The following RELN variants were observed in gnomAD, a reference collection of about 807,000 sequenced individuals.
The protein encoded by RELN is reelin.
In RELN, 108 loss-of-function variants were observed where a neutral mutation model predicts 427.6. The observed-to-expected ratio is 0.25, with a 90% CI of 0.22 to 0.30. RELN has a LOEUF of 0.30. RELN is among the 10% of genes least tolerant of loss of function. The pLI, the probability that RELN is intolerant of heterozygous loss-of-function variation, is 1.00. For synonymous variants in RELN, 1,524 were observed against 1,513.4 expected (o/e 1.01, Z -0.16); for missense variants, 3,715 against 4,302.8 (o/e 0.86, Z 3.82).
chr7:103,561,264 A>G (rs1216653415), intron 36 of RELN, among the ~76,000 whole-genome samples: 1 of 152,232 alleles, frequency 6.6e-6, no homozygotes, highest in Non-Finnish European at 1.5e-5. Context: ...CATTCTAAAA[A>G]CTATCTACAT....
At chr7:103,711,819 G>T (rs992348414) in intron 8 of RELN, among the ~76,000 whole-genome samples, 1 of 151,974 alleles carries the variant, frequency 6.6e-6, no homozygotes, top group Non-Finnish European at 1.5e-5. Context: ...ACCAAACCTG[G>T]CTAATTTTTT....
rs763130108 is a variant in RELN, at chr7:103,611,625, G to A, written c.2881C>T (p.His961Tyr). The stretch of plus-strand genomic sequence containing the variant: ...ACTAGACTTACTTCTTGGACGAGGT[G>A]CCAGGTAAGGCCGTGGTTGGTTGAG... ...EYSTNHGLTW[H>Y]LVQEECLPSM... Residue 961 changes from histidine to tyrosine, a missense_variant, in exon 21 of 65, where the codon CAC becomes TAC. By Grantham distance (83) the His-to-Tyr change is moderately conservative. Coordinates refer to ENST00000428762, the MANE Select transcript of RELN (RefSeq NM_005045.4). 2 of 1,613,434 alleles carry A rather than the reference G, an allele frequency of 1.2e-6. No homozygotes were observed. The highest frequency in any genetic ancestry group is 8.5e-7 in the Non-Finnish European group (1 of 1,179,784).
In RELN at chr7:103,650,332, G is replaced by A; in HGVS notation, c.1944C>T (p.Thr648=). Residue 648 remains threonine (T), a synonymous_variant, in exon 16 of 65, where the codon ACC becomes ACT. Transcript: ENST00000428762. ...GTCCTGTTTGTCTCCAGCGAATCCT[G>A]GTGTTCCGGGTTAGTGCTGCGTTAG... ...PLPNAALTRN[T]RIRWRQTGPI... 3.1e-6 allele frequency: 5 copies of A among 1,613,050 alleles called. No homozygotes were observed. The highest frequency in any genetic ancestry group is 4.2e-6 in the Non-Finnish European group (5 of 1,179,364).
intron 10 of RELN, among the ~76,000 whole-genome samples, chr7:103,696,414 A>C (rs1316028831): frequency 6.6e-6 from 1 of 152,066 alleles, no homozygotes; most frequent in Non-Finnish European, 1.5e-5. Flanking sequence ...CCAAACATCT[A>C]ACCTCCCACC....
At chr7:103,691,098 T>C (rs1279943602) in intron 10 of RELN, among the ~76,000 whole-genome samples, 3 of 152,138 alleles carry the variant, frequency 2.0e-5, no homozygotes, top group Non-Finnish European at 2.9e-5. Flanking sequence ...GTTATACATC[T>C]ATTTCATATT....
intron 1 of RELN, among the ~76,000 whole-genome samples, chr7:103,969,161 C>T (rs1374168985): frequency 2.0e-5 from 3 of 148,570 alleles, no homozygotes; most frequent in South Asian, 2.1e-4. Context: ...AAAAAAAATG[C>T]ATTTAAGATT....
chr7:103,498,934 G>A (rs1431771262), intron 53 of RELN, among the ~76,000 whole-genome samples: 1 of 152,244 alleles, frequency 6.6e-6, no homozygotes, highest in East Asian at 1.9e-4. Flanking sequence ...GAATTTGAAA[G>A]CAATAAGATA....
chr7:103,803,943 T>C (rs928131350), intron 3 of RELN, among the ~76,000 whole-genome samples: 2 of 152,020 alleles, frequency 1.3e-5, no homozygotes, highest in Non-Finnish European at 2.9e-5. Flanking sequence ...TAAAAATATC[T>C]CAAGGCCATA....
intron 1 of RELN, among the ~76,000 whole-genome samples, chr7:103,975,559 T>C (rs924711664): frequency 1.3e-5 from 2 of 150,952 alleles, no homozygotes; most frequent in South Asian, 4.2e-4. Context: ...ATTTATTTAT[T>C]TATTTTGAGA....
intron 2 of RELN, among the ~76,000 whole-genome samples, chr7:103,914,660 A>G (rs891296767): frequency 6.6e-6 from 1 of 152,052 alleles, no homozygotes; most frequent in Non-Finnish European, 1.5e-5. Flanking sequence ...TATCATCATC[A>G]TGTCATATAT....
At chr7:103,734,276 A>G (rs942424892) in intron 6 of RELN, among the ~76,000 whole-genome samples, 1 of 152,170 alleles carries the variant, frequency 6.6e-6, no homozygotes, top group Non-Finnish European at 1.5e-5. Context: ...CTGTTGTTCA[A>G]TTTGAAAAGG....
chr7:103,785,670 T>G (rs1048025835), intron 3 of RELN, among the ~76,000 whole-genome samples: 26 of 152,124 alleles, frequency 1.7e-4, no homozygotes, highest in African/African-American at 4.6e-4. Context: ...CACAGCTCAA[T>G]GATTTATGTT....
chr7:103,619,174 T>C (rs1832156750), intron 20 of RELN, among the ~76,000 whole-genome samples: 1 of 151,972 alleles, frequency 6.6e-6, no homozygotes, highest in South Asian at 2.1e-4. Flanking sequence ...CACATCAAAT[T>C]GGGTGCTTAG....
At chr7:103,925,928 G>A (rs551699157) in intron 1 of RELN, among the ~76,000 whole-genome samples, 1 of 151,996 alleles carries the variant, frequency 6.6e-6, no homozygotes, top group East Asian at 1.9e-4. Context: ...GGTGTGTAAA[G>A]CTTTTATACA....
intron 11 of RELN, among the ~76,000 whole-genome samples, chr7:103,665,242 T>G (rs891436453): frequency 1.3e-5 from 2 of 152,096 alleles, no homozygotes; most frequent in Admixed American, 1.3e-4. Context: ...CCTATAAACG[T>G]GAGTCTGTTT....
At chr7:103,795,483 G>A (rs184171329) in intron 3 of RELN, among the ~76,000 whole-genome samples, 1 of 152,294 alleles carries the variant, frequency 6.6e-6, no homozygotes, top group Non-Finnish European at 1.5e-5. Flanking sequence ...AGCCAAAACT[G>A]TAACAAAAAA....
intron 1 of RELN, among the ~76,000 whole-genome samples, chr7:103,918,659 A>T (rs1190518647): frequency 6.6e-6 from 1 of 152,186 alleles, no homozygotes; most frequent in African/African-American, 2.4e-5. Flanking sequence ...ATTAATGAAT[A>T]ACTTATTCAT....
chr7:103,569,252 GGCTTTT>G lies in RELN; in HGVS notation c.4589-2499_4589-2494del, dbSNP rs1484831299. On this transcript the variant is annotated intron_variant, in intron 31 of 64. Transcript: ENST00000428762. The surrounding 1 kb of genome is among the most constrained non-coding windows in gnomAD (Gnocchi z 4.0). ...TTGCCAACAGCAGAGAAGAACTAAA[GGCTTTT>G]GCCAACAGCCATGTAAGTAAGCCAT... is the stretch of plus-strand genomic sequence containing the variant. Among the ~76,000 whole-genome samples, 1 of 152,144 alleles carries G rather than the reference GGCTTTT, an allele frequency of 6.6e-6. No individual in the cohort carries two copies. Among genetic ancestry groups the G allele is most frequent in the Non-Finnish European group, 1.5e-5 (1 of 68,026 alleles).
intron 2 of RELN, among the ~76,000 whole-genome samples, chr7:103,911,027 T>C (rs1445746242): frequency 3.3e-4 from 46 of 140,754 alleles, no homozygotes; most frequent in African/African-American, 1.3e-3. Context: ...CTAAAGAGCT[T>C]CTGCACAGCA....
Sources: allele counts gnomAD v4.1 joint callset (sites outside exome capture counted in the v4.1 genomes callset), GRCh38; gene constraint gnomAD v4.1.1; non-coding constraint Gnocchi (gnomAD v3.1); transcripts MANE v1.5; gene names NCBI Gene and HGNC (gene_info 2026-07-23, HGNC 2026-07-21).